The following TAB2 variants were observed in gnomAD, a reference collection of about 807,000 sequenced individuals.
TAB2 encodes the protein TGF-beta-activated kinase 1 and MAP3K7-binding protein 2.
Under a neutral mutation model 65.0 loss-of-function variants are expected in TAB2, and 3 were observed. The ratio of observed to expected loss-of-function variants is 0.05; its 90% CI spans 0.02 to 0.12. The LOEUF is 0.12. Among genes scored for constraint, TAB2 ranks in the 10% least tolerant of loss-of-function variants. The pLI is 1.00. For missense variants in TAB2, 623 were observed against 840.3 expected (o/e 0.74, Z 3.20); for synonymous variants, 298 against 285.1 (o/e 1.05, Z -0.46).
intron 1 of TAB2, among the ~76,000 whole-genome samples, chr6:149,229,357 G>A (rs528285385): frequency 6.6e-6 from 1 of 152,144 alleles, no homozygotes; most frequent in African/African-American, 2.4e-5. Context: ...GAAAACGTGT[G>A]CTCCATGCAG....
chr6:149,328,035 T>C (rs1779670011), intron 1 of TAB2, among the ~76,000 whole-genome samples: 1 of 152,206 alleles, frequency 6.6e-6, no homozygotes, highest in Non-Finnish European at 1.5e-5. Flanking sequence ...AGTGCTCTTG[T>C]TGAAGGTAAT....
chr6:149,310,003 C>T (rs1779141169), intron 1 of TAB2, among the ~76,000 whole-genome samples: 1 of 152,052 alleles, frequency 6.6e-6, no homozygotes, highest in East Asian at 1.9e-4. Context: ...CTTTTAAACT[C>T]ATTTTGTCAA....
At chr6:149,383,684 G>A (rs1204652103) in intron 3 of TAB2, among the ~76,000 whole-genome samples, 2 of 152,182 alleles carry the variant, frequency 1.3e-5, no homozygotes, top group Admixed American at 6.5e-5. Context: ...CCGGATTCAA[G>A]CAGTTCTCCT....
intron 1 of TAB2, among the ~76,000 whole-genome samples, chr6:149,289,924 T>C (rs775556570): frequency 6.6e-6 from 1 of 151,382 alleles, no homozygotes; most frequent in Non-Finnish European, 1.5e-5. Context: ...CAGCAGGGAG[T>C]TCCAGGTCAT....
At chr6:149,238,405 T>G (rs538020860) in intron 1 of TAB2, among the ~76,000 whole-genome samples, 1 of 152,316 alleles carries the variant, frequency 6.6e-6, no homozygotes, top group East Asian at 1.9e-4. Context: ...CTTCCTGGCT[T>G]GAGCTTCTCT....
At chr6:149,337,315 T>C (rs1006976980) in intron 1 of TAB2, among the ~76,000 whole-genome samples, 11 of 152,146 alleles carry the variant, frequency 7.2e-5, no homozygotes, top group Non-Finnish European at 1.5e-4. Context: ...AAAACTGGCT[T>C]TCTTTATAAT....
Position 149,403,247 on chromosome 6 carries a change from AATATATAT to A in TAB2, c.1939+4093_1939+4100del, listed in dbSNP as rs71010865. On this transcript the variant is annotated intron_variant, in intron 6 of 6. Coordinates refer to ENST00000637181, the MANE Select transcript of TAB2 (RefSeq NM_001292034.3). ...GAAACTCTTGTCTAAAAAAAAAAAA[AATATATAT>A]ATATATATATATATATATATATATA... 1.2e-3 allele frequency among the ~76,000 whole-genome samples: 53 copies of A among 44,040 alleles called. 2 individuals carry two copies. Among genetic ancestry groups the A allele is most frequent in the South Asian group, 4.2e-3 (4 of 958 alleles). The allele number at this position is 44,040 out of a possible 152,430, so 28.9% of individuals were successfully genotyped here. A position where few individuals can be genotyped will look rare whatever the true frequency, so the allele number is the denominator to read the frequency against.
intron 1 of TAB2, among the ~76,000 whole-genome samples, chr6:149,269,953 A>G (rs1778329384): frequency 6.6e-6 from 1 of 152,196 alleles, no homozygotes; most frequent in South Asian, 2.1e-4. Flanking sequence ...ACGTGGGTAA[A>G]TACCTAGGAA....
At chr6:149,401,998 TAAAA>T (rs147141394) in intron 6 of TAB2, among the ~76,000 whole-genome samples, 6 of 134,430 alleles carry the variant, frequency 4.5e-5, no homozygotes, top group Non-Finnish European at 9.7e-5. Context: ...AATACTACAT[TAAAA>T]AAAAAAAAAG....
intron 1 of TAB2, among the ~76,000 whole-genome samples, chr6:149,259,188 G>A (rs1035244227): frequency 2.0e-5 from 3 of 152,056 alleles, no homozygotes; most frequent in African/African-American, 7.2e-5. Context: ...AGTAACAATA[G>A]GAAACTAATG....
chr6:149,352,094 T>C (rs964783773), intron 1 of TAB2, among the ~76,000 whole-genome samples: 2 of 152,238 alleles, frequency 1.3e-5, no homozygotes, highest in African/African-American at 4.8e-5. Flanking sequence ...GTTTAAATTA[T>C]GTAAATTGAG....
chr6:149,266,761 T>C (rs1274987872), intron 1 of TAB2, among the ~76,000 whole-genome samples: 2 of 152,164 alleles, frequency 1.3e-5, no homozygotes, highest in African/African-American at 4.8e-5. Context: ...GAGGCCATAA[T>C]GAACCTCTGG....
intron 3 of TAB2, among the ~76,000 whole-genome samples, chr6:149,396,840 GTTTTA>G (rs1469622243): frequency 1.3e-5 from 2 of 152,206 alleles, no homozygotes; most frequent in Non-Finnish European, 2.9e-5. Context: ...CAATCTGCCT[GTTTTA>G]TTTGTTGCAT....
intron 3 of TAB2, among the ~76,000 whole-genome samples, chr6:149,388,954 C>CTTT (rs61577861): frequency 4.4e-5 from 5 of 113,728 alleles, no homozygotes; most frequent in Admixed American, 9.3e-5. Context: ...TAACAGAAAT[C>CTTT]TTTTTTTTTT....
intron 1 of TAB2, among the ~76,000 whole-genome samples, chr6:149,265,783 A>G (rs573960102): frequency 3.4e-4 from 52 of 152,042 alleles, no homozygotes; most frequent in Non-Finnish European, 7.1e-4. Context: ...TAAGGTACAA[A>G]CTCTTTAGCC....
chr6:149,344,365 G>A (rs575007863), intron 1 of TAB2, among the ~76,000 whole-genome samples: 2 of 152,104 alleles, frequency 1.3e-5, no homozygotes, highest in Admixed American at 6.5e-5. Flanking sequence ...TGAAAGTATC[G>A]TAATAGAGAT....
chr6:149,379,285 A>G lies in TAB2; in HGVS notation c.1370A>G (p.Gln457Arg). ...SATSPRVVVTQPNTKYTFKIT... is the reference protein window; with the variant it reads ...SATSPRVVVTRPNTKYTFKIT... ...ACCTCTCCTCGAGTGGTAGTCACTC[A>G]GCCCAATACGAAATACACTTTCAAA... Residue 457 changes from glutamine to arginine, a missense_variant, in exon 3 of 7, where the codon CAG (glutamine) becomes CGG (arginine). Coordinates refer to ENST00000637181, the MANE Select transcript of TAB2 (RefSeq NM_001292034.3). The G allele has an allele frequency of 6.2e-7, 1 of 1,614,246 alleles. No individual in the cohort carries two copies. Among genetic ancestry groups the G allele is most frequent in the Non-Finnish European group, 8.5e-7 (1 of 1,180,038 alleles).
At chr6:149,399,030 G>A (rs1673529203) in intron 5 of TAB2, 74 bp from the exon 6 acceptor site, 1 of 1,304,944 alleles carries the variant, frequency 7.7e-7, no homozygotes, top group Non-Finnish European at 1.1e-6. Context: ...TTTTTAGAAA[G>A]AAATACTTGT....
chr6:149,272,611 C>T (rs1376918040), intron 1 of TAB2, among the ~76,000 whole-genome samples: 1 of 152,148 alleles, frequency 6.6e-6, no homozygotes, highest in African/African-American at 2.4e-5. Flanking sequence ...TACCATGTGC[C>T]CACCCAAATC....
Sources: allele counts gnomAD v4.1 joint callset (sites outside exome capture counted in the v4.1 genomes callset), GRCh38; gene constraint gnomAD v4.1.1; transcripts MANE v1.5; gene names NCBI Gene and HGNC (gene_info 2026-07-23, HGNC 2026-07-21).